HEPH: variants seen among roughly 807,000 people sequenced by gnomAD.
The protein encoded by HEPH is hephaestin.
In HEPH, 69 loss-of-function variants were observed where a neutral mutation model predicts 80.8. The observed-to-expected ratio is 0.85, with a 90% CI of 0.70 to 1.04. The LOEUF is 1.04. Ranked by LOEUF, HEPH falls within the 50% of genes least tolerant of loss-of-function variation. HEPH has a pLI of 0.00. For synonymous variants in HEPH, 431 were observed against 322.8 expected (o/e 1.34, Z -3.60); for missense variants, 1,115 against 891.3 (o/e 1.25, Z -3.20).
At chrX:66,231,164 G>T (rs1414058278) in intron 15 of HEPH, among the ~76,000 whole-genome samples, 2 of 109,924 alleles carry the variant, frequency 1.8e-5, no homozygotes, top group African/African-American at 6.6e-5. Flanking sequence ...GTACCATGCT[G>T]TTTTGGTTAC....
chrX:66,200,435 T>A lies in HEPH; in HGVS notation c.1865-105T>A. 3 of 606,140 alleles carry A rather than the reference T, an allele frequency of 4.9e-6. No homozygotes were observed. The Middle Eastern group carries it at 1.2e-3, about 246-fold the overall frequency. The allele number at this position is 606,140 out of a possible 1,213,427, so 50.0% of individuals were successfully genotyped here. On this transcript the variant is annotated intron_variant, in intron 11 of 20. Transcript: ENST00000343002. ...AGGTGTTGAGGATGACTCAGCAGTT[T>A]CAAGTTGTGTGAAACCATAGTACAT...
intron 15 of HEPH, among the ~76,000 whole-genome samples, chrX:66,244,404 G>A (rs1282263900): frequency 3.6e-5 from 4 of 111,599 alleles, no homozygotes; most frequent in African/African-American, 1.3e-4. Flanking sequence ...CAGAGAACTA[G>A]TCTCCGAGCT....
At chrX:66,231,208 T>C (rs2090123474) in intron 15 of HEPH, among the ~76,000 whole-genome samples, 3 of 109,027 alleles carry the variant, frequency 2.8e-5, no homozygotes, top group Admixed American at 9.8e-5. Flanking sequence ...AGTCAGGTAG[T>C]GTGATGCCTC....
At chrX:66,197,445 A>T (rs182910507) in intron 9 of HEPH, among the ~76,000 whole-genome samples, 1 of 111,193 alleles carries the variant, frequency 9.0e-6, no homozygotes, top group Non-Finnish European at 1.9e-5. Flanking sequence ...GATTTTGGAA[A>T]ACTGAAACAT....
At chrX:66,260,493 C>T (rs1477609918) in intron 19 of HEPH, among the ~76,000 whole-genome samples, 1 of 111,239 alleles carries the variant, frequency 9.0e-6, no homozygotes, top group Admixed American at 9.6e-5. Flanking sequence ...GACACCTGTC[C>T]CTCTCCAAAT....
intron 4 of HEPH, among the ~76,000 whole-genome samples, chrX:66,177,998 G>A (rs961485049): frequency 9.0e-6 from 1 of 111,465 alleles, no homozygotes; most frequent in African/African-American, 3.3e-5. Flanking sequence ...ACAACGTGCA[G>A]GTTTGTTACA....
At chrX:66,178,808 T>C (rs2086947424) in intron 4 of HEPH, among the ~76,000 whole-genome samples, 1 of 112,467 alleles carries the variant, frequency 8.9e-6, no homozygotes, top group Non-Finnish European at 1.9e-5. Context: ...TTTTTTCTTG[T>C]AAATTTGTTT....
chrX:66,203,462 C>G lies in HEPH; in HGVS notation c.2176C>G (p.Arg726Gly). Residue 726 changes from arginine (R) to glycine (G), a missense_variant, in exon 13 of 21, where the codon CGC becomes GGC. By Grantham distance (125) the Arg-to-Gly change is moderately radical. Around this residue, in one of 3 missense-constraint regions of HEPH, gnomAD observed 716 missense variants for 523.5 expected, o/e 1.37. Transcript: ENST00000343002. ...SQCPGHQATPRQRYQAARIYY... is the reference protein window; with the variant it reads ...SQCPGHQATPGQRYQAARIYY... Reference sequence around the variant, plus strand: ...GTGTCCTGGCCACCAAGCCACCCCTCGCCAACGCTACCAAGCTGCAAGAAT... The same window carrying G: ...GTGTCCTGGCCACCAAGCCACCCCTGGCCAACGCTACCAAGCTGCAAGAAT... 8.3e-7 allele frequency: 1 copy of G among 1,210,673 alleles called. No individual in the cohort carries two copies. The highest frequency in any genetic ancestry group is 2.3e-4 in the Middle Eastern group (1 of 4,339).
At chrX:66,189,035 T>C (rs2087649088) in intron 5 of HEPH, among the ~76,000 whole-genome samples, 1 of 112,398 alleles carries the variant, frequency 8.9e-6, no homozygotes, top group African/African-American at 3.2e-5. Flanking sequence ...ATTAATTAAA[T>C]TGAAAAAGAA....
intron 15 of HEPH, among the ~76,000 whole-genome samples, chrX:66,212,308 A>T (rs1279723415): frequency 1.9e-5 from 2 of 106,839 alleles, no homozygotes; most frequent in Non-Finnish European, 3.9e-5. Context: ...CACTCTGTTG[A>T]TTATTTCCTT....
chrX:66,216,368 T>G (rs2089397409), intron 15 of HEPH, among the ~76,000 whole-genome samples: 1 of 112,097 alleles, frequency 8.9e-6, no homozygotes, highest in African/African-American at 3.2e-5. Flanking sequence ...GAGCAGGTGC[T>G]GATATCCATG....
At chrX:66,223,364 A>G (rs1408228673) in intron 15 of HEPH, among the ~76,000 whole-genome samples, 7 of 111,848 alleles carry the variant, frequency 6.3e-5, no homozygotes, top group African/African-American at 2.3e-4. Context: ...TTTCTAGACC[A>G]AAGAAACCCA....
intron 15 of HEPH, among the ~76,000 whole-genome samples, chrX:66,219,548 C>T (rs1022747138): frequency 1.8e-5 from 2 of 111,891 alleles, no homozygotes; most frequent in African/African-American, 6.5e-5. Flanking sequence ...TCTAAGACAG[C>T]TTGTAACCAT....
In HEPH at chrX:66,170,359, T is replaced by C. The variant is rs763410585; in HGVS notation, c.-13-199T>C. On this transcript the variant is annotated intron_variant, in intron 1 of 20. Coordinates refer to ENST00000343002, the MANE Select transcript of HEPH (RefSeq NM_001367233.3). ...ATGATTAGCAGCACGGGTGACTTTT[T>C]AACTATGCCCTTCAAAATCCAATCA... 281 of 387,572 alleles carry C rather than the reference T, an allele frequency of 7.3e-4. 4 individuals are homozygous for C. In the South Asian group the frequency reaches 0.014, roughly 20 times the overall value. 31.9% of individuals were successfully genotyped at this position (387,572 alleles called of 1,213,427 possible). A position where few individuals can be genotyped will look rare whatever the true frequency, so the allele number is the denominator to read the frequency against.
At chrX:66,164,241 C>G (rs781484906), upstream of HEPH, 7 of 752,060 alleles carry the variant, frequency 9.3e-6, no homozygotes, top group African/African-American at 1.2e-4. Context: ...CCCAGAGGAA[C>G]AGGACATTCC....
At chrX:66,214,777 G>T (rs2089312450) in intron 15 of HEPH, among the ~76,000 whole-genome samples, 1 of 110,530 alleles carries the variant, frequency 9.0e-6, no homozygotes, top group Non-Finnish European at 1.9e-5. Context: ...CCTTTGAGTT[G>T]CTTTGCCACC....
intron 15 of HEPH, among the ~76,000 whole-genome samples, chrX:66,230,283 A>C (rs1340723413): frequency 2.1e-5 from 2 of 96,132 alleles, no homozygotes; most frequent in African/African-American, 8.9e-5. Context: ...TCATTTGGGT[A>C]TATACCCAGT....
At chrX:66,218,997 G>C (rs1159735900) in intron 15 of HEPH, among the ~76,000 whole-genome samples, 1 of 111,503 alleles carries the variant, frequency 9.0e-6, no homozygotes, top group African/African-American at 3.3e-5. Flanking sequence ...CAATATGAGG[G>C]GTGGTCTCCT....
chrX:66,222,840 G>A (rs781224274), intron 15 of HEPH, among the ~76,000 whole-genome samples: 10 of 112,197 alleles, frequency 8.9e-5, no homozygotes, highest in Non-Finnish European at 1.9e-4. Context: ...AAATACAATA[G>A]TTTGAGGCAA....
Sources: gnomAD v4.1 joint callset for allele counts (sites outside exome capture counted in the v4.1 genomes callset) on GRCh38, gnomAD v4.1.1 for gene constraint, gnomAD v4.1.1 regional missense constraint, MANE v1.5 for transcripts, NCBI Gene and HGNC (gene_info 2026-07-23, HGNC 2026-07-21) for gene names.